Variants in OPRM1 observed in about 807,000 individuals in gnomAD.
The protein encoded by OPRM1 is mu-type opioid receptor.
In OPRM1, 27 loss-of-function variants were observed where a neutral mutation model predicts 31.8. The observed-to-expected ratio is 0.85, with a 90% confidence interval of 0.63 to 1.17. The LOEUF is 1.17. Ranked by LOEUF, OPRM1 falls within the 50% of genes most tolerant of loss-of-function variation. OPRM1 has a pLI of 0.00. For missense variants in OPRM1, 536 were observed against 511.1 expected, an observed-to-expected ratio of 1.05 and a Z score of -0.47; for synonymous variants, 196 against 189.9, an observed-to-expected ratio of 1.03 and a Z score of -0.26.
downstream of OPRM1, among the ~76,000 whole-genome samples, chr6:154,136,814 G>A (rs1798072407): frequency 6.6e-6 from 1 of 152,170 alleles, no homozygotes; most frequent in African/African-American, 2.4e-5. Context: ...ACTTGCAAAG[G>A]ATGGGTGAAA....
chr6:154,166,619 T>G (rs553782931), intron 3 of OPRM1, among the ~76,000 whole-genome samples: 209 of 152,322 alleles, frequency 1.4e-3, no homozygotes, highest in Non-Finnish European at 2.5e-3. Context: ...ATTTTTGCAC[T>G]TCATTTTAAT....
At chr6:154,100,238 C>A (rs1794592082) in intron 3 of OPRM1, among the ~76,000 whole-genome samples, 10 of 146,064 alleles carry the variant, frequency 6.8e-5, no homozygotes, top group Non-Finnish European at 9.0e-5. Flanking sequence ...TATATATTAT[C>A]ATATTATGAC....
chr6:154,092,593 C>T (rs538150835), intron 3 of OPRM1, among the ~76,000 whole-genome samples: 2 of 152,294 alleles, frequency 1.3e-5, no homozygotes, highest in South Asian at 2.1e-4. Context: ...GCCTTTGCCA[C>T]CACAGGGTGC....
chr6:154,192,745 C>T (rs1483668417), intron 3 of OPRM1, among the ~76,000 whole-genome samples: 2 of 152,034 alleles, frequency 1.3e-5, no homozygotes, highest in Non-Finnish European at 2.9e-5. Context: ...ATACAAATGG[C>T]CAACAAACAC....
chr6:154,191,133 C>CA (rs1255500696), intron 3 of OPRM1, among the ~76,000 whole-genome samples: 1 of 151,994 alleles, frequency 6.6e-6, no homozygotes, highest in Non-Finnish European at 1.5e-5. Flanking sequence ...TGAAAGAAGC[C>CA]AATCTGAAAA....
At chr6:154,078,688 T>C (rs1788395156) in intron 1 of OPRM1, among the ~76,000 whole-genome samples, 1 of 152,020 alleles carries the variant, frequency 6.6e-6, no homozygotes, top group Non-Finnish European at 1.5e-5. Context: ...CTGGGCAACA[T>C]GGCAAAACCC....
At chr6:154,154,202 A>T (rs1208097917) in intron 3 of OPRM1, among the ~76,000 whole-genome samples, 1 of 152,230 alleles carries the variant, frequency 6.6e-6, no homozygotes, top group Non-Finnish European at 1.5e-5. Context: ...TGATCAGTGG[A>T]TCCAAAGAAA....
chr6:154,054,955 C>T (rs1050380171), intron 1 of OPRM1, among the ~76,000 whole-genome samples: 2 of 152,236 alleles, frequency 1.3e-5, no homozygotes, highest in African/African-American at 4.8e-5. Flanking sequence ...CTAGTGACTA[C>T]ACTAGACACC....
chr6:154,226,266 T>C (rs1396673468), intron 3 of OPRM1, among the ~76,000 whole-genome samples: 2 of 152,148 alleles, frequency 1.3e-5, no homozygotes, highest in East Asian at 1.9e-4. Flanking sequence ...AAAATCCATA[T>C]CTCAAACTGG....
chr6:154,243,348 G>A (rs376615207), intron 3 of OPRM1, among the ~76,000 whole-genome samples: 2 of 152,124 alleles, frequency 1.3e-5, no homozygotes, highest in Admixed American at 6.5e-5. Flanking sequence ...CTTGTGTGCC[G>A]CGTCACACTA....
intron 3 of OPRM1, among the ~76,000 whole-genome samples, chr6:154,191,122 A>G (rs1801843419): frequency 6.6e-6 from 1 of 152,188 alleles, no homozygotes; most frequent in Admixed American, 6.5e-5. Flanking sequence ...ATATTACCAA[A>G]TGAAAGAAGC....
chr6:154,224,459 G>A (rs888364017), intron 3 of OPRM1, among the ~76,000 whole-genome samples: 3 of 152,132 alleles, frequency 2.0e-5, no homozygotes, highest in Non-Finnish European at 4.4e-5. Context: ...TGTAATCCCA[G>A]CACTTTGGGA....
chr6:154,195,579 C>T (rs1261995637), intron 3 of OPRM1, among the ~76,000 whole-genome samples: 1 of 152,110 alleles, frequency 6.6e-6, no homozygotes, highest in Admixed American at 6.6e-5. Context: ...ATCCCCTTTA[C>T]CCACGCCTCC....
chr6:154,055,230 A>G (rs772627900), intron 1 of OPRM1, among the ~76,000 whole-genome samples: 2 of 152,048 alleles, frequency 1.3e-5, no homozygotes, highest in Non-Finnish European at 2.9e-5. Flanking sequence ...TCTACTAAAA[A>G]TACAAAAATT....
At chr6:154,022,419 C>A (rs962810782) in intron 1 of OPRM1, among the ~76,000 whole-genome samples, 1 of 122,208 alleles carries the variant, frequency 8.2e-6, no homozygotes, top group Admixed American at 7.1e-5. Context: ...AGGGGCCTGG[C>A]CTGCTCCCCA....
intron 3 of OPRM1, among the ~76,000 whole-genome samples, chr6:154,178,658 C>A (rs973504390): frequency 2.0e-5 from 3 of 151,994 alleles, no homozygotes; most frequent in African/African-American, 7.3e-5. Flanking sequence ...ACAGAATTCA[C>A]CTAAAATTTC....
intron 3 of OPRM1, among the ~76,000 whole-genome samples, chr6:154,109,625 C>T (rs569477728): frequency 6.6e-6 from 1 of 152,226 alleles, no homozygotes; most frequent in Non-Finnish European, 1.5e-5. Context: ...TAGAACACTA[C>T]TAAAGTGAAA....
At chr6:154,165,378 T>C (rs1799344001) in intron 3 of OPRM1, among the ~76,000 whole-genome samples, 2 of 152,194 alleles carry the variant, frequency 1.3e-5, no homozygotes, top group Non-Finnish European at 2.9e-5. Context: ...TATTATACCC[T>C]TCCAACATGA....
downstream of OPRM1, among the ~76,000 whole-genome samples, chr6:154,133,033 A>G (rs1400213386): frequency 6.6e-6 from 1 of 151,910 alleles, no homozygotes; most frequent in Non-Finnish European, 1.5e-5. Flanking sequence ...AGGCAGGAGA[A>G]TGGTGTGAAC....
Sources: allele counts gnomAD v4.1 joint callset (sites outside exome capture counted in the v4.1 genomes callset), GRCh38; gene constraint gnomAD v4.1.1; transcripts MANE v1.5; gene names NCBI Gene and HGNC (gene_info 2026-07-23, HGNC 2026-07-21).